Variants in SCP2 observed in about 807,000 individuals in gnomAD.
The protein encoded by SCP2 is SCP-2/3-oxoacyl-CoA thiolase.
SCP2 carries 48 observed loss-of-function variants against 71.4 expected under a neutral mutation model. The ratio of observed to expected loss-of-function variants is 0.67; its 90% CI spans 0.53 to 0.86. SCP2 has a LOEUF of 0.86. SCP2 is among the 40% of genes least tolerant of loss of function. The pLI is 0.00. For missense variants in SCP2, 560 were observed against 655.6 expected (o/e 0.85, Z 1.59); for synonymous variants, 220 against 218.1 (o/e 1.01, Z -0.08).
At chr1:53,039,330 T>A (rs1438999446) in intron 14 of SCP2, among the ~76,000 whole-genome samples, 2 of 152,242 alleles carry the variant, frequency 1.3e-5, no homozygotes, top group Non-Finnish European at 2.9e-5. Context: ...TATTTAACTT[T>A]CTGAGACTCA....
intron 11 of SCP2, among the ~76,000 whole-genome samples, chr1:53,005,693 A>T (rs1246791925): frequency 6.6e-6 from 1 of 152,200 alleles, no homozygotes; most frequent in African/African-American, 2.4e-5. Flanking sequence ...AAAAGCTGAA[A>T]ATTCTAAAAA....
intron 11 of SCP2, among the ~76,000 whole-genome samples, chr1:52,999,453 C>A (rs1660159986): frequency 6.6e-6 from 1 of 152,084 alleles, no homozygotes; most frequent in African/African-American, 2.4e-5. Context: ...TAAGGCAGTG[C>A]TACTTTGGTT....
chr1:53,040,728 A>C (rs565624930), intron 14 of SCP2, among the ~76,000 whole-genome samples: 2 of 152,266 alleles, frequency 1.3e-5, no homozygotes, highest in East Asian at 1.9e-4. Flanking sequence ...CTAAAAAAAA[A>C]CAAAAATCTT....
chr1:53,046,238 G>A (rs754273649), intron 14 of SCP2, among the ~76,000 whole-genome samples: 3 of 151,078 alleles, frequency 2.0e-5, no homozygotes, highest in Non-Finnish European at 4.4e-5. Context: ...CTTCCAGACT[G>A]TTTTCTGAAA....
chr1:53,024,521 C>G (rs1306197732), intron 12 of SCP2, among the ~76,000 whole-genome samples: 1 of 151,292 alleles, frequency 6.6e-6, no homozygotes, highest in Admixed American at 6.6e-5. Context: ...AGTTATAGGA[C>G]TCTCATATGC....
intron 4 of SCP2, among the ~76,000 whole-genome samples, chr1:52,951,631 A>G (rs1306748913): frequency 6.6e-6 from 1 of 151,874 alleles, no homozygotes; most frequent in Admixed American, 6.6e-5. Context: ...TAATTTATAG[A>G]CCATAAAACT....
chr1:53,048,010 G>A (rs1485458716), intron 15 of SCP2, 73 bp downstream of exon 15: 4 of 1,038,096 alleles, frequency 3.9e-6, no homozygotes, highest in Admixed American at 1.7e-5. Flanking sequence ...TCCTGACTCA[G>A]ACTCTAAAGT....
chr1:53,034,681 A>G lies in SCP2; in HGVS notation c.1339-4236A>G, dbSNP rs571194886. Among the ~76,000 whole-genome samples, 17 of 152,376 alleles carry G rather than the reference A, an allele frequency of 1.1e-4. No homozygotes were observed. The East Asian group carries it at 2.9e-3, about 26-fold the overall frequency. ...AGTGAACTTAGGCCAGGCTCTCTGC[A>G]TACTTAGAAACAGAGGTTAGTATCT... is the stretch of plus-strand genomic sequence containing the variant. On this transcript the variant is annotated intron_variant, in intron 13 of 15. Transcript: ENST00000371514.
intron 11 of SCP2, among the ~76,000 whole-genome samples, chr1:52,998,581 A>C (rs972450070): frequency 2.6e-5 from 4 of 151,638 alleles, no homozygotes; most frequent in African/African-American, 9.7e-5. Flanking sequence ...AAATACAAAA[A>C]TTAGTCAGGC....
At chr1:53,028,367 CA>C (rs1662284066) in intron 13 of SCP2, among the ~76,000 whole-genome samples, 3 of 152,000 alleles carry the variant, frequency 2.0e-5, no homozygotes, top group Admixed American at 6.6e-5. Flanking sequence ...GGGCAAAGTT[CA>C]AATATAAAGG....
chr1:52,982,024 G>A (rs952225189), intron 10 of SCP2, among the ~76,000 whole-genome samples: 10 of 151,512 alleles, frequency 6.6e-5, no homozygotes, highest in Non-Finnish European at 1.3e-4. Flanking sequence ...TCAACTTATC[G>A]ATTGTTTTTT....
intron 1 of SCP2, chr1:52,928,922 C>T (rs1310327078): frequency 6.5e-6 from 1 of 154,356 alleles, no homozygotes; most frequent in Non-Finnish European, 1.5e-5. Context: ...TGCAGTCAAA[C>T]CTTCCTCTGG....
intron 7 of SCP2, 34 bp from the exon 8 acceptor site, chr1:52,976,649 C>G: frequency 9.4e-7 from 1 of 1,066,118 alleles, no homozygotes. Context: ...GTTGCTATCT[C>G]ACATTCTGTA....
At chr1:52,996,033 G>A in intron 11 of SCP2, 1 of 1,308,668 alleles carries the variant, frequency 7.6e-7, no homozygotes, top group Non-Finnish European at 1.0e-6. Context: ...CTAAGGCAGA[G>A]CCCCCATCGC....
chr1:52,999,418 T>C (rs558529584), intron 11 of SCP2, among the ~76,000 whole-genome samples: 1 of 152,312 alleles, frequency 6.6e-6, no homozygotes, highest in African/African-American at 2.4e-5. Flanking sequence ...AAGATTCTCT[T>C]CTGTAAATGG....
chr1:53,034,452 T>G (rs905059741), intron 13 of SCP2, among the ~76,000 whole-genome samples: 2 of 151,866 alleles, frequency 1.3e-5, no homozygotes, highest in Non-Finnish European at 2.9e-5. Context: ...GACTGAGGGG[T>G]GGAGGAGACA....
rs1372182094 is a variant in SCP2, at chr1:52,988,031, C to G, written c.976C>G (p.Gln326Glu). The change falls in exon 11 of 16, where the codon CAA becomes GAA. Residue 326 changes from glutamine (Q) to glutamate (E), a missense_variant and splice_region_variant. By Grantham distance (29) the Gln-to-Glu change is conservative. Around this residue, in one of 3 missense-constraint regions of SCP2, gnomAD observed 513 missense variants for 573.1 expected, o/e 0.90. Coordinates refer to ENST00000371514, the MANE Select transcript of SCP2 (RefSeq NM_002979.5). ...YEALGLCPEG[Q>E]GATLVDRGDN... is the part of the protein sequence containing the mutation. ...GAATACTATTTTTTCTTCTATAGGA[C>G]AAGGTGCAACGCTGGTTGATAGAGG... 6.6e-7 allele frequency: 1 copy of G among 1,510,362 alleles called. No homozygotes were observed. Among genetic ancestry groups the G allele is most frequent in the Admixed American group, 1.7e-5 (1 of 59,880 alleles). The allele number at this position is 1,510,362 out of a possible 1,614,324, so 93.6% of individuals were successfully genotyped here. A position where few individuals can be genotyped will look rare whatever the true frequency, so the allele number is the denominator to read the frequency against.
At chr1:52,931,150 A>T (rs1653113914) in intron 1 of SCP2, among the ~76,000 whole-genome samples, 1 of 152,232 alleles carries the variant, frequency 6.6e-6, no homozygotes. Context: ...TGAGTAGGAA[A>T]GGAAACAATA....
At chr1:52,970,251 C>T (rs933504430) in intron 6 of SCP2, among the ~76,000 whole-genome samples, 11 of 152,202 alleles carry the variant, frequency 7.2e-5, no homozygotes, top group African/African-American at 2.6e-4. Context: ...ATGGTGCCCT[C>T]TTCTGTAAGT....
Sources: gnomAD v4.1 joint callset for allele counts (sites outside exome capture counted in the v4.1 genomes callset) on GRCh38, gnomAD v4.1.1 for gene constraint, gnomAD v4.1.1 regional missense constraint, MANE v1.5 for transcripts, NCBI Gene and HGNC (gene_info 2026-07-23, HGNC 2026-07-21) for gene names.